The following ODAD2 variants were observed in gnomAD, a reference collection of about 807,000 sequenced individuals.
The protein encoded by ODAD2 is outer dynein arm docking complex subunit 2, also known as outer dynein arm-docking complex subunit 2.
A neutral mutation model predicts 106.8 loss-of-function variants in ODAD2; 89 were observed. That is an observed-to-expected ratio of 0.83 (90% CI 0.70 to 0.99). The LOEUF is 0.99. Ranked by LOEUF, ODAD2 falls within the 50% of genes least tolerant of loss-of-function variation. The pLI is 0.00. For missense variants in ODAD2, 1,168 were observed against 1,238.5 expected, an observed-to-expected ratio of 0.94 and a Z score of 0.85; for synonymous variants, 404 against 436.2, an observed-to-expected ratio of 0.93 and a Z score of 0.92.
chr10:27,850,835 T>C (rs78922577), intron 19 of ODAD2, among the ~76,000 whole-genome samples: 8,217 of 152,180 alleles, frequency 0.054, 322 homozygotes, highest in East Asian at 0.17. Flanking sequence ...AGCCCTAAGA[T>C]TGACCCAGAC....
intron 14 of ODAD2, among the ~76,000 whole-genome samples, chr10:27,937,433 G>T (rs1220535585): frequency 6.6e-6 from 1 of 151,338 alleles, no homozygotes; most frequent in East Asian, 1.9e-4. Context: ...CACCTCCTGG[G>T]TTCAGGTGAT....
chr10:27,845,893 C>A (rs1415048178), intron 19 of ODAD2, among the ~76,000 whole-genome samples: 1 of 152,158 alleles, frequency 6.6e-6, no homozygotes, highest in East Asian at 1.9e-4. Context: ...TATATATGCA[C>A]CCAATACAGG....
At chr10:27,870,664 TC>T in intron 17 of ODAD2, among the ~76,000 whole-genome samples, 1 of 152,292 alleles carries the variant, frequency 6.6e-6, no homozygotes, top group South Asian at 2.1e-4. Flanking sequence ...TTAATCCATG[TC>T]CCTACAAAGG....
intron 16 of ODAD2, among the ~76,000 whole-genome samples, chr10:27,911,682 C>G (rs1844025775): frequency 6.6e-6 from 1 of 152,196 alleles, no homozygotes; most frequent in African/African-American, 2.4e-5. Flanking sequence ...AGGTCTACAA[C>G]AAAACCTCTT....
chr10:27,965,919 A>C (rs1848460046), intron 9 of ODAD2, among the ~76,000 whole-genome samples: 1 of 152,224 alleles, frequency 6.6e-6, no homozygotes, highest in Admixed American at 6.5e-5. Flanking sequence ...AGTCCATTTA[A>C]GCCTTCATGC....
In ODAD2 at chr10:27,935,665, G is replaced by C. The variant is rs73606009; in HGVS notation, c.2253-413C>G. Among the ~76,000 whole-genome samples the C allele has an allele frequency of 3.0e-3, 457 of 150,758 alleles. 5 individuals carry two copies. Among genetic ancestry groups the C allele is most frequent in the African/African-American group, 0.011 (444 of 41,032 alleles). ...CTATTGTACCTATTTGGGTTTAATA[G>C]GTCTCTTGAAATGAGTAGTAGCTTG... On this transcript the variant is annotated intron_variant, in intron 15 of 19. Transcript: ENST00000305242.
At chr10:27,898,725 T>C (rs1461419803) in intron 17 of ODAD2, among the ~76,000 whole-genome samples, 3 of 152,206 alleles carry the variant, frequency 2.0e-5, no homozygotes, top group African/African-American at 7.2e-5. Flanking sequence ...TTTATTTTGT[T>C]CAACATATTT....
chr10:27,939,526 G>A (rs1334269709), intron 14 of ODAD2, among the ~76,000 whole-genome samples: 1 of 151,778 alleles, frequency 6.6e-6, no homozygotes, highest in East Asian at 1.9e-4. Flanking sequence ...GACCAGCCTG[G>A]GCAACAGAAA....
At chr10:27,839,037 C>G (rs1376240793) in intron 19 of ODAD2, among the ~76,000 whole-genome samples, 1 of 152,132 alleles carries the variant, frequency 6.6e-6, no homozygotes, top group African/African-American at 2.4e-5. Flanking sequence ...CTGGACTGTT[C>G]AATTTAGGCA....
At chr10:27,820,000 G>A (rs150584677) in intron 19 of ODAD2, among the ~76,000 whole-genome samples, 17 of 152,304 alleles carry the variant, frequency 1.1e-4, no homozygotes, top group Admixed American at 2.6e-4. Context: ...CAAAGCAAGC[G>A]TTCCATGAAT....
intron 14 of ODAD2, among the ~76,000 whole-genome samples, chr10:27,939,091 AGTT>A (rs1303334549): frequency 2.6e-5 from 4 of 152,276 alleles, no homozygotes; most frequent in Admixed American, 6.5e-5. Context: ...ATACACAAAA[AGTT>A]AGTGTAGATT....
At chr10:27,940,525 A>G (rs1846331487) in intron 13 of ODAD2, 38 bp downstream of exon 13, 4 of 1,605,248 alleles carry the variant, frequency 2.5e-6, no homozygotes, top group Non-Finnish European at 3.4e-6. Context: ...AAGAAAGTCA[A>G]GTTGAGAAGG....
intron 19 of ODAD2, among the ~76,000 whole-genome samples, chr10:27,854,939 A>AT (rs1470861895): frequency 6.6e-6 from 1 of 152,102 alleles, no homozygotes; most frequent in Non-Finnish European, 1.5e-5. Context: ...GTAGGAACCC[A>AT]TTTTTCTTAA....
intron 17 of ODAD2, among the ~76,000 whole-genome samples, chr10:27,863,131 T>G (rs1329611026): frequency 6.6e-6 from 1 of 152,206 alleles, no homozygotes; most frequent in Admixed American, 6.5e-5. Context: ...ATATATATTG[T>G]TCATTCATTC....
intron 2 of ODAD2, among the ~76,000 whole-genome samples, chr10:27,993,882 AG>A (rs973877179): frequency 2.2e-4 from 33 of 152,014 alleles, no homozygotes; most frequent in Non-Finnish European, 4.4e-4. Flanking sequence ...AGACTTTAAA[AG>A]TTCATATCCA....
chr10:27,845,741 T>C (rs540255312), intron 19 of ODAD2, among the ~76,000 whole-genome samples: 2 of 151,658 alleles, frequency 1.3e-5, no homozygotes, highest in South Asian at 4.2e-4. Flanking sequence ...ACCAAGCAAA[T>C]GGAAAACAAA....
At chr10:27,933,110 T>A (rs1674987758) in intron 16 of ODAD2, among the ~76,000 whole-genome samples, 1 of 151,964 alleles carries the variant, frequency 6.6e-6, no homozygotes, top group South Asian at 2.1e-4. Context: ...ATTTAAAGAA[T>A]TAGAGGGCAT....
chr10:27,836,857 T>C (rs1467484792), intron 19 of ODAD2, among the ~76,000 whole-genome samples: 1 of 152,200 alleles, frequency 6.6e-6, no homozygotes, highest in African/African-American at 2.4e-5. Context: ...AAACTTGAAA[T>C]GGTGTTGAAA....
chr10:27,915,662 G>A (rs1033429346), intron 16 of ODAD2, among the ~76,000 whole-genome samples: 2 of 152,034 alleles, frequency 1.3e-5, no homozygotes, highest in African/African-American at 4.8e-5. Flanking sequence ...CAATAGAATG[G>A]CATTTATAAA....
Sources: allele counts gnomAD v4.1 joint callset (sites outside exome capture counted in the v4.1 genomes callset), GRCh38; gene constraint gnomAD v4.1.1; transcripts MANE v1.5; gene names NCBI Gene and HGNC (gene_info 2026-07-23, HGNC 2026-07-21).